ARID4B: variants seen among roughly 807,000 people sequenced by gnomAD.
ARID4B encodes AT-rich interactive domain-containing protein 4B.
A neutral mutation model predicts 147.5 loss-of-function variants in ARID4B; 26 were observed. That is an observed-to-expected ratio of 0.18 (90% CI 0.13 to 0.24). The LOEUF is 0.24. Ranked by LOEUF, ARID4B falls within the 10% of genes least tolerant of loss-of-function variation. The pLI is 1.00. For synonymous variants in ARID4B, 512 were observed against 507.9 expected (o/e 1.01, Z -0.11); for missense variants, 1,179 against 1,511.5 (o/e 0.78, Z 3.65).
intron 2 of ARID4B, among the ~76,000 whole-genome samples, chr1:235,269,972 G>C (rs1670869738): frequency 6.6e-6 from 1 of 151,724 alleles, no homozygotes. Context: ...TGGATTGTAA[G>C]AGTTACTGCA....
In ARID4B at chr1:235,167,054, C is replaced by T. The variant is rs913576747; in HGVS notation, c.*1471G>A. Reference sequence around the variant, plus strand: ...ACATTTTGCTGTCAACAAATCTTTACAGTCCTGTACAAATTTGAATAACTT... The same window carrying T: ...ACATTTTGCTGTCAACAAATCTTTATAGTCCTGTACAAATTTGAATAACTT... On this transcript the variant is annotated 3_prime_UTR_variant, in exon 24 of 24. Coordinates refer to ENST00000264183, the MANE Select transcript of ARID4B (RefSeq NM_016374.6). 1.1e-5 allele frequency: 2 copies of T among 183,512 alleles called. No homozygotes were observed. The highest frequency in any genetic ancestry group is 2.4e-5 in the African/African-American group (1 of 42,528). The allele number at this position is 183,512 out of a possible 1,614,324, so 11.4% of individuals were successfully genotyped here. A position where few individuals can be genotyped will look rare whatever the true frequency, so the allele number is the denominator to read the frequency against.
chr1:235,314,512 T>C (rs1217375935), intron 2 of ARID4B, among the ~76,000 whole-genome samples: 1 of 152,176 alleles, frequency 6.6e-6, no homozygotes, highest in Non-Finnish European at 1.5e-5. Flanking sequence ...TTCCAAGCCA[T>C]ATGCTCTTAA....
chr1:235,232,220 G>T (rs541671761), intron 9 of ARID4B, among the ~76,000 whole-genome samples: 26 of 152,136 alleles, frequency 1.7e-4, no homozygotes, highest in African/African-American at 6.3e-4. Context: ...AGGAGTTCAA[G>T]ACCAGCCTGA....
intron 6 of ARID4B, among the ~76,000 whole-genome samples, chr1:235,250,119 T>A (rs900725330): frequency 7.3e-5 from 11 of 151,404 alleles, no homozygotes; most frequent in African/African-American, 2.7e-4. Flanking sequence ...AAAATAATAA[T>A]AATAATAATA....
At chr1:235,255,544 A>T in intron 5 of ARID4B, 116 bp downstream of exon 5, 1 of 597,858 alleles carries the variant, frequency 1.7e-6, no homozygotes, top group Non-Finnish European at 2.8e-6. Flanking sequence ...AAAATCCAGT[A>T]ACAGTAATAA....
intron 1 of ARID4B, chr1:235,327,240 G>A (rs568426731): frequency 2.1e-4 from 56 of 263,532 alleles, no homozygotes; most frequent in Non-Finnish European, 3.9e-4. Flanking sequence ...TTCTGTCAGA[G>A]AAGAAACTCA....
At chr1:235,174,447 A>G (rs560304978) in intron 22 of ARID4B, among the ~76,000 whole-genome samples, 5 of 152,298 alleles carry the variant, frequency 3.3e-5, no homozygotes, top group African/African-American at 1.2e-4. Context: ...TATACATTGT[A>G]CATTAGTACA....
At position 235,182,149 on chromosome 1, in the gene ARID4B, G is replaced by C; in HGVS notation, c.2770C>G (p.Arg924Gly). The C allele has an allele frequency of 6.2e-6, 10 of 1,614,090 alleles. No individual in the cohort carries two copies. Among genetic ancestry groups the C allele is most frequent in the Non-Finnish European group, 8.5e-6 (10 of 1,180,002 alleles). Reference sequence around the variant, plus strand: ...TGAATACTTGACCAGACATCTTTTCGATCTTTGGCCCTGCTGTTTTGAAGT... The same window carrying C: ...TGAATACTTGACCAGACATCTTTTCCATCTTTGGCCCTGCTGTTTTGAAGT... ...ERLQNSRAKD[R>G]KDVWSSIQGQ... is the part of the protein sequence containing the mutation. Residue 924 changes from arginine (R) to glycine (G), a missense_variant, in exon 20 of 24, where the codon CGA becomes GGA. Transcript: ENST00000264183.
intron 16 of ARID4B, among the ~76,000 whole-genome samples, chr1:235,214,753 T>A (rs575543635): frequency 5.8e-5 from 8 of 138,068 alleles, no homozygotes; most frequent in African/African-American, 2.0e-4. Context: ...TCAACTTTGA[T>A]GTTCCAAAGA....
At chr1:235,246,661 A>T (rs1669317681) in intron 6 of ARID4B, 150 bp from the exon 7 acceptor site, 5 of 575,584 alleles carry the variant, frequency 8.7e-6, no homozygotes, top group South Asian at 8.2e-5. Context: ...AAAGATAGAA[A>T]ATTCTAGTTT....
At chr1:235,219,647 G>A (rs1667311103) in intron 16 of ARID4B, 146 bp downstream of exon 16, 1 of 617,194 alleles carries the variant, frequency 1.6e-6, no homozygotes, top group Non-Finnish European at 2.6e-6. Context: ...TGAAAGAAGT[G>A]AATGCTATTT....
intron 2 of ARID4B, among the ~76,000 whole-genome samples, chr1:235,304,255 G>C (rs925391756): frequency 6.6e-6 from 1 of 152,020 alleles, no homozygotes; most frequent in African/African-American, 2.4e-5. Context: ...GGCTGAGGTG[G>C]GTGGATCACT....
At chr1:235,168,946 A>T (rs1663126352) in intron 23 of ARID4B, among the ~76,000 whole-genome samples, 1 of 152,224 alleles carries the variant, frequency 6.6e-6, no homozygotes. Flanking sequence ...ACAGAAATAA[A>T]ATACAGAATA....
chr1:235,294,242 T>G (rs1038542003), intron 2 of ARID4B, among the ~76,000 whole-genome samples: 1 of 150,238 alleles, frequency 6.7e-6, no homozygotes, highest in Non-Finnish European at 1.5e-5. Context: ...AGTAAAAACA[T>G]ACAGTAAAAT....
intron 17 of ARID4B, among the ~76,000 whole-genome samples, chr1:235,212,303 T>C (rs1571988926): frequency 6.6e-6 from 1 of 152,188 alleles, no homozygotes; most frequent in East Asian, 1.9e-4. Flanking sequence ...GGTGAAAGGA[T>C]AAATTGTGCA....
intron 9 of ARID4B, among the ~76,000 whole-genome samples, chr1:235,232,830 TTTTTGTTTTG>T (rs373943094): frequency 3.1e-4 from 47 of 152,218 alleles, no homozygotes; most frequent in Non-Finnish European, 3.5e-4. Context: ...TCTACATTTT[TTTTTGTTTTG>T]TTTTGTTTTG....
intron 2 of ARID4B, among the ~76,000 whole-genome samples, chr1:235,323,394 A>G (rs539064651): frequency 1.3e-5 from 2 of 152,236 alleles, no homozygotes; most frequent in African/African-American, 4.8e-5. Flanking sequence ...TATCCAGCCC[A>G]ACCAGCCCAT....
At chr1:235,255,194 C>T (rs1669873371) in intron 5 of ARID4B, among the ~76,000 whole-genome samples, 1 of 132,110 alleles carries the variant, frequency 7.6e-6, no homozygotes, top group Admixed American at 7.6e-5. Flanking sequence ...ATAAAATACA[C>T]TACTACTTTG....
chr1:235,288,962 T>C (rs1259268843), intron 2 of ARID4B, among the ~76,000 whole-genome samples: 1 of 152,230 alleles, frequency 6.6e-6, no homozygotes, highest in Non-Finnish European at 1.5e-5. Context: ...TCTGCACCAG[T>C]TATTAGCAAT....
Sources: allele counts gnomAD v4.1 joint callset (sites outside exome capture counted in the v4.1 genomes callset), GRCh38; gene constraint gnomAD v4.1.1; transcripts MANE v1.5; gene names NCBI Gene and HGNC (gene_info 2026-07-23, HGNC 2026-07-21).